The following REC8 variants were observed in gnomAD, a reference collection of about 807,000 sequenced individuals.
The protein encoded by REC8 is meiotic recombination protein REC8 homolog.
A neutral mutation model predicts 78.3 loss-of-function variants in REC8; 42 were observed. The ratio of observed to expected loss-of-function variants is 0.54; its 90% CI spans 0.42 to 0.69. The LOEUF (loss-of-function observed/expected upper bound fraction) is 0.69. REC8 is among the 30% of genes least tolerant of loss of function. The pLI is 0.00. For missense variants in REC8, 581 were observed against 715.8 expected, an observed-to-expected ratio of 0.81 and a Z score of 2.15; for synonymous variants, 268 against 274.1, an observed-to-expected ratio of 0.98 and a Z score of 0.22.
At chr14:24,176,725 G>A in intron 6 of REC8, 97 bp from the exon 7 acceptor site, 1 of 922,452 alleles carries the variant, frequency 1.1e-6, no homozygotes, top group East Asian at 2.6e-5. Context: ...TTAGAATCCA[G>A]GTTACCTTGA....
downstream of REC8, chr14:24,180,455 A>T (rs1368736117): frequency 6.2e-7 from 1 of 1,611,628 alleles, no homozygotes; most frequent in Admixed American, 1.7e-5. Flanking sequence ...GGAGAGGCCC[A>T]GTACAGCCTG....
intron 16 of REC8, 50 bp downstream of exon 16, chr14:24,179,513 T>C (rs373305956): frequency 6.2e-7 from 1 of 1,613,770 alleles, no homozygotes. Flanking sequence ...CTTGGCCAGG[T>C]GGTGGAAACA....
At position 24,173,401 on chromosome 14, in the gene REC8, A is replaced by C; in HGVS notation, c.452A>C (p.Asp151Ala). The C allele has an allele frequency of 2.5e-6, 4 of 1,613,986 alleles. No individual in the cohort carries two copies. In the Middle Eastern group the frequency reaches 6.6e-4, roughly 266 times the overall value. ...SVDPRLPSPF[D>A]IPQIRHLLEA... ...GATCCCAGACTTCCTAGTCCTTTCG[A>C]TATCCCTCAGGTAGGGCTCATTCCC... Residue 151 changes from aspartate (D) to alanine (A), a missense_variant, in exon 5 of 19, where the codon GAT (aspartate) becomes GCT (alanine). Transcript: ENST00000611366.
rs1015912450 is a variant in REC8 at position 24,177,872 on chromosome 14, TAA to T, written c.864+117_864+118del. On this transcript the variant is annotated intron_variant, in intron 11 of 18. Transcript: ENST00000611366. ...TTACAGGGGTCCTTAATGCAGATGA[TAA>T]AAGATGCCCCTTTCTACGCCCCATC... is the stretch of plus-strand genomic sequence containing the variant. 2.1e-4 allele frequency: 304 copies of T among 1,470,832 alleles called. 1 individual carries two copies. The highest frequency in any genetic ancestry group is 2.1e-4 in the Middle Eastern group (1 of 4,818). 91.1% of individuals were successfully genotyped at this position (1,470,832 alleles called of 1,614,324 possible). A position where few individuals can be genotyped will look rare whatever the true frequency, so the allele number is the denominator to read the frequency against.
rs933772529 is a variant in REC8 at position 24,180,198 on chromosome 14, C to T, written c.*103C>T. On this transcript the variant is annotated 3_prime_UTR_variant, in exon 19 of 19. Coordinates refer to ENST00000611366, the MANE Select transcript of REC8 (RefSeq NM_001048205.2). ...TACCTCATTTCTGAATGTGCATTTC[C>T]AGCCTTCTTGCTCTCAGAGCTATTG... is the stretch of plus-strand genomic sequence containing the variant. 6.3e-7 allele frequency: 1 copy of T among 1,597,652 alleles called. No homozygotes were observed. The highest frequency in any genetic ancestry group is 1.7e-5 in the Admixed American group (1 of 58,986).
chr14:24,180,600 G>A (rs371310833), downstream of REC8: 28 of 1,612,110 alleles, frequency 1.7e-5, no homozygotes, highest in South Asian at 6.6e-5. Context: ...GAGAAAGGTC[G>A]GGGCTCCTAA....
At chr14:24,179,347 C>G (rs759505756) in intron 15 of REC8, 50 bp from the exon 16 acceptor site, 2 of 1,603,458 alleles carry the variant, frequency 1.2e-6, no homozygotes, top group Admixed American at 3.3e-5. Context: ...CCACAAGGCC[C>G]TAACTGCCAC....
chr14:24,174,475 A>G (rs1200762992), intron 5 of REC8, among the ~76,000 whole-genome samples: 1 of 151,794 alleles, frequency 6.6e-6, no homozygotes, highest in Admixed American at 6.6e-5. Flanking sequence ...ATGGAGTTTC[A>G]TCATGTTGGT....
rs1261344069 is a variant in REC8, at chr14:24,179,262, GTCC to G, written c.1253-129_1253-127del. On this transcript the variant is annotated intron_variant, in intron 15 of 18. Transcript: ENST00000611366. ...GTGTGACATAAGGAAGCACGGACTG[GTCC>G]TCCTCAGCTCTCCCACCTATGTGCT... The G allele has an allele frequency of 1.3e-5, 15 of 1,193,876 alleles. 1 individual carries two copies. Among genetic ancestry groups the G allele is most frequent in the South Asian group, 2.5e-5 (2 of 80,594 alleles). The allele number at this position is 1,193,876 out of a possible 1,614,324, so 74.0% of individuals were successfully genotyped here. A position where few individuals can be genotyped will look rare whatever the true frequency, so the allele number is the denominator to read the frequency against.
At position 24,173,415 on chromosome 14, in the gene REC8, G is replaced by C. The variant is rs141029884; in HGVS notation, c.462+4G>C. The C allele has an allele frequency of 1.3e-3, 2,042 of 1,613,936 alleles. 63 individuals are homozygous for C. In the East Asian group the frequency reaches 0.041, roughly 32 times the overall value. On this transcript the variant is annotated splice_donor_region_variant and intron_variant, in intron 5 of 18. Coordinates refer to ENST00000611366, the MANE Select transcript of REC8 (RefSeq NM_001048205.2). ...TAGTCCTTTCGATATCCCTCAGGTA[G>C]GGCTCATTCCCCAAGACTCGTGAAT... is the stretch of plus-strand genomic sequence containing the variant.
chr14:24,177,917 C>T, intron 11 of REC8, 159 bp downstream of exon 11: 2 of 1,490,236 alleles, frequency 1.3e-6, no homozygotes, highest in South Asian at 2.8e-5. Context: ...GCCTACGCTT[C>T]CCAGATGGGT....
chr14:24,176,922 G>C, intron 7 of REC8, 21 bp downstream of exon 7: 1 of 1,597,244 alleles, frequency 6.3e-7, no homozygotes, highest in Non-Finnish European at 8.6e-7. Flanking sequence ...CTGCACACAG[G>C]GCCTGAGGTC....
rs758088389 is a variant in REC8 at position 24,180,149 on chromosome 14, C to T, written c.*54C>T. On this transcript the variant is annotated 3_prime_UTR_variant, in exon 19 of 19. Coordinates refer to ENST00000611366, the MANE Select transcript of REC8 (RefSeq NM_001048205.2). Reference sequence around the variant, plus strand: ...GAAACCGGCCACTTCTAGTAAACCACGTCGTGCCTCACTGGGTCCTGCTTA... The same window carrying T: ...GAAACCGGCCACTTCTAGTAAACCATGTCGTGCCTCACTGGGTCCTGCTTA... The T allele has an allele frequency of 5.0e-6, 8 of 1,613,942 alleles. No homozygotes were observed. In the African/African-American group the frequency reaches 5.3e-5, roughly 11 times the overall value.
In REC8 at chr14:24,178,809, T is replaced by C; in HGVS notation, c.1096T>C (p.Trp366Arg). The C allele has an allele frequency of 6.2e-7, 1 of 1,613,744 alleles. No homozygotes were observed. Among genetic ancestry groups the C allele is most frequent in the Non-Finnish European group, 8.5e-7 (1 of 1,179,942 alleles). The change falls in exon 14 of 19, where the codon TGG becomes CGG. Residue 366 changes from tryptophan (W) to arginine (R), a missense_variant. Coordinates refer to ENST00000611366, the MANE Select transcript of REC8 (RefSeq NM_001048205.2). Reference protein sequence around the residue: ...GWLPPELLGLWTHCAQPPPKA... With the variant: ...GWLPPELLGLRTHCAQPPPKA... ...GCTACCCCCTGAACTACTGGGTCTC[T>C]GGACCCATTGTGCCCAGCCACCCCC...
chr14:24,172,358 T>A lies in REC8; in HGVS notation c.-195T>A, dbSNP rs2038705444. On this transcript the variant is annotated 5_prime_UTR_variant, in exon 1 of 19. Transcript: ENST00000611366. ...GGGGCGCCCATCTCCTGCGTCTCAGTTATCCTGGTAATTGTGTATCTGCCC... is the reference window on the plus strand; with the variant it reads ...GGGGCGCCCATCTCCTGCGTCTCAGATATCCTGGTAATTGTGTATCTGCCC... 1.7e-6 allele frequency: 1 copy of A among 585,290 alleles called. No individual in the cohort carries two copies. Among genetic ancestry groups the A allele is most frequent in the Non-Finnish European group, 3.0e-6 (1 of 332,558 alleles). The allele number at this position is 585,290 out of a possible 1,614,324, so 36.3% of individuals were successfully genotyped here. A position where few individuals can be genotyped will look rare whatever the true frequency, so the allele number is the denominator to read the frequency against.
intron 9 of REC8, 29 bp downstream of exon 9, chr14:24,177,412 G>A (rs774890066): frequency 1.1e-5 from 18 of 1,614,090 alleles, no homozygotes; most frequent in South Asian, 2.2e-5. Context: ...AGACCAGGTA[G>A]GGTGTCAGTG....
intron 11 of REC8, 35 bp downstream of exon 11, chr14:24,177,793 CTCT>C (rs781274369): frequency 2.8e-5 from 42 of 1,526,050 alleles, no homozygotes; most frequent in Non-Finnish European, 3.6e-5. Context: ...CCTCCTCCTC[CTCT>C]TTGCCCTCCC....
chr14:24,178,315 T>A (rs2038993909), intron 12 of REC8, 93 bp downstream of exon 12: 1 of 1,185,000 alleles, frequency 8.4e-7, no homozygotes, highest in Non-Finnish European at 1.2e-6. Flanking sequence ...CTCAGGTGGG[T>A]GGGGGGAGGA....
downstream of REC8, chr14:24,180,575 G>A: frequency 6.2e-7 from 1 of 1,613,448 alleles, no homozygotes. Context: ...CTTGGTGTCT[G>A]GGTGGAGAGG....
Sources: allele counts gnomAD v4.1 joint callset (sites outside exome capture counted in the v4.1 genomes callset), GRCh38; gene constraint gnomAD v4.1.1; transcripts MANE v1.5; gene names NCBI Gene and HGNC (gene_info 2026-07-23, HGNC 2026-07-21).